The following NCAM1 variants were observed in gnomAD, a reference collection of about 807,000 sequenced individuals.
NCAM1 encodes neural cell adhesion molecule 1, also known as antigen recognized by monoclonal antibody 5.1H11.
In NCAM1, 14 loss-of-function variants were observed where a neutral mutation model predicts 109.8. The ratio of observed to expected loss-of-function variants is 0.13; its 90% CI spans 0.08 to 0.20. The LOEUF (loss-of-function observed/expected upper bound fraction) is 0.20, where lower values mean the gene tolerates loss of function less well. NCAM1 is among the 10% of genes least tolerant of loss of function. NCAM1 has a pLI of 1.00. For synonymous variants in NCAM1, 418 were observed against 442.9 expected, an observed-to-expected ratio of 0.94 and a Z score of 0.70; for missense variants, 774 against 1,109.9, an observed-to-expected ratio of 0.70 and a Z score of 4.30.
intron 1 of NCAM1, among the ~76,000 whole-genome samples, chr11:113,045,043 T>C (rs1407787077): frequency 3.9e-5 from 6 of 152,212 alleles, no homozygotes; most frequent in East Asian, 3.9e-4. Context: ...CGTGAGCCAC[T>C]GCGCCCGGCC....
intron 14 of NCAM1, chr11:113,243,420 T>A (rs1945400762): frequency 2.7e-6 from 1 of 368,990 alleles, no homozygotes; most frequent in Non-Finnish European, 5.5e-6. Flanking sequence ...CCCGCCTCAG[T>A]GCTAGAAAAA....
intron 17 of NCAM1, among the ~76,000 whole-genome samples, chr11:113,261,160 T>C (rs1490873892): frequency 6.6e-6 from 1 of 151,822 alleles, no homozygotes; most frequent in Non-Finnish European, 1.5e-5. Flanking sequence ...CCTGCCATGT[T>C]CAAGTGTGGT....
intron 17 of NCAM1, among the ~76,000 whole-genome samples, chr11:113,267,831 T>C (rs1204388619): frequency 6.6e-6 from 1 of 152,222 alleles, no homozygotes; most frequent in African/African-American, 2.4e-5. Context: ...TCCCAGCTGC[T>C]GTCCTCTCAA....
At position 112,962,984 on chromosome 11, in the gene NCAM1, C is replaced by A. The variant is rs929311266; in HGVS notation, c.52+1320C>A. ...GGACGGCCGACCCCCGGTTGGGGAGCGCACGGGGCGGGCCAGGGAGCACCC... is the reference window on the plus strand; with the variant it reads ...GGACGGCCGACCCCCGGTTGGGGAGAGCACGGGGCGGGCCAGGGAGCACCC... On this transcript the variant is annotated intron_variant, in intron 1 of 19. Transcript: ENST00000316851. This position sits in a 1 kb window ranked among gnomAD's most constrained non-coding sequence, Gnocchi z 5.6. Among the ~76,000 whole-genome samples, 5 of 151,680 alleles carry A rather than the reference C, an allele frequency of 3.3e-5. No individual in the cohort carries two copies. The highest frequency in any genetic ancestry group is 9.7e-5 in the African/African-American group (4 of 41,304).
At chr11:113,156,941 A>G (rs1555103526) in intron 1 of NCAM1, among the ~76,000 whole-genome samples, 1 of 152,160 alleles carries the variant, frequency 6.6e-6, no homozygotes, top group Admixed American at 6.5e-5. Context: ...GGTACTCGTT[A>G]GACCTGTAGG....
Position 113,205,599 on chromosome 11 carries a change from G to A in NCAM1, c.423G>A (p.Val141=). ...AAGATGCCGTGATTGTGTGTGATGT[G>A]GTCAGCTCCCTCCCACCAACCATCA... The part of the protein sequence containing the change: ...EGEDAVIVCD[V]VSSLPPTIIW... Residue 141 remains valine, a synonymous_variant, in exon 4 of 20, where the codon GTG becomes GTA. Transcript: ENST00000316851. The A allele has an allele frequency of 6.2e-7, 1 of 1,613,830 alleles. No individual in the cohort carries two copies. Among genetic ancestry groups the A allele is most frequent in the Non-Finnish European group, 8.5e-7 (1 of 1,179,810 alleles).
intron 1 of NCAM1, among the ~76,000 whole-genome samples, chr11:113,161,077 G>A (rs1555104299): frequency 2.7e-5 from 3 of 112,262 alleles, no homozygotes; most frequent in African/African-American, 1.0e-4. Flanking sequence ...AGAGTTGAGG[G>A]ACAGTACTGA....
Position 113,008,406 on chromosome 11 carries a change from T to A in NCAM1, c.52+46742T>A, listed in dbSNP as rs530285145. Among the ~76,000 whole-genome samples, 3 of 152,314 alleles carry A rather than the reference T, an allele frequency of 2.0e-5. No homozygotes were observed. In the South Asian group the frequency reaches 6.2e-4, roughly 32 times the overall value. ...AGTGGTAATACATGGCTATAATGAA[T>A]GTAGCCAAGACAGTTTCAGAGCAGG... On this transcript the variant is annotated intron_variant, in intron 1 of 19. Transcript: ENST00000316851.
At chr11:113,263,692 C>G in intron 17 of NCAM1, 1 of 985,586 alleles carries the variant, frequency 1.0e-6, no homozygotes, top group South Asian at 4.7e-5. Context: ...CCCCTGCTGC[C>G]TGGCAGCATG....
intron 1 of NCAM1, among the ~76,000 whole-genome samples, chr11:113,031,032 T>C (rs566017499): frequency 2.0e-5 from 3 of 152,320 alleles, no homozygotes; most frequent in African/African-American, 7.2e-5. Flanking sequence ...CCACAAACAC[T>C]GAATAAGGGA....
At chr11:113,209,089 C>T (rs1028680335) in intron 7 of NCAM1, among the ~76,000 whole-genome samples, 3 of 152,212 alleles carry the variant, frequency 2.0e-5, no homozygotes, top group Admixed American at 6.5e-5. Context: ...TCAAGTCTCT[C>T]CGCGTGTCTG....
At chr11:113,027,014 C>A (rs1420842342) in intron 1 of NCAM1, among the ~76,000 whole-genome samples, 2 of 152,210 alleles carry the variant, frequency 1.3e-5, no homozygotes, top group Non-Finnish European at 2.9e-5. Flanking sequence ...GCTAAGCAGG[C>A]TCACAGAGAA....
chr11:113,189,449 C>CAAAA (rs10712434), intron 1 of NCAM1, among the ~76,000 whole-genome samples: 138 of 117,954 alleles, frequency 1.2e-3, no homozygotes, highest in East Asian at 4.1e-3. Flanking sequence ...GATTCTGTCT[C>CAAAA]AAAAAAAAAA....
chr11:113,241,993 G>A (rs1386637266), intron 14 of NCAM1, among the ~76,000 whole-genome samples: 6 of 152,246 alleles, frequency 3.9e-5, no homozygotes, highest in Middle Eastern at 3.4e-3. Context: ...TGTAGCAGAC[G>A]GAGTTCAGGC....
At chr11:112,965,478 C>T (rs1398607327) in intron 1 of NCAM1, among the ~76,000 whole-genome samples, 1 of 152,174 alleles carries the variant, frequency 6.6e-6, no homozygotes, top group Non-Finnish European at 1.5e-5. Context: ...TTTTCTGTCA[C>T]AAGGAACAAT....
intron 1 of NCAM1, among the ~76,000 whole-genome samples, chr11:112,983,512 AT>A (rs1245145642): frequency 1.3e-5 from 2 of 151,976 alleles, no homozygotes; most frequent in Non-Finnish European, 2.9e-5. Context: ...AGAACTGACA[AT>A]TAAGCAGATT....
Position 113,271,889 on chromosome 11 carries a change from G to C in NCAM1, c.2456+13G>C. 1 of 1,548,824 alleles carries C rather than the reference G, an allele frequency of 6.5e-7. No homozygotes were observed. The highest frequency in any genetic ancestry group is 8.7e-7 in the Non-Finnish European group (1 of 1,145,340). On this transcript the variant is annotated intron_variant, in intron 19 of 19. Transcript: ENST00000316851. ...TGACGGAGCCCGAGTACGTGGGCTG[G>C]GAGGGGCTGGCACCTGCTCCGTAGA...
chr11:113,271,101 G>A (rs1946258910), intron 18 of NCAM1, among the ~76,000 whole-genome samples: 1 of 152,132 alleles, frequency 6.6e-6, no homozygotes, highest in Non-Finnish European at 1.5e-5. Context: ...GTATAGGGGT[G>A]ACTCACGCCT....
intron 1 of NCAM1, among the ~76,000 whole-genome samples, chr11:113,039,838 C>T (rs752558607): frequency 9.9e-5 from 15 of 152,208 alleles, no homozygotes; most frequent in East Asian, 9.7e-4. Flanking sequence ...TCAACATGTA[C>T]GCACTATTTT....
Sources: gnomAD v4.1 joint callset for allele counts (sites outside exome capture counted in the v4.1 genomes callset) on GRCh38, gnomAD v4.1.1 for gene constraint, Gnocchi (gnomAD v3.1) non-coding constraint, MANE v1.5 for transcripts, NCBI Gene and HGNC (gene_info 2026-07-23, HGNC 2026-07-21) for gene names.